HMGB1: variants seen among roughly 807,000 people sequenced by gnomAD.
HMGB1 encodes high mobility group protein B1.
For synonymous variants in HMGB1, 81 were observed against 84.0 expected (o/e 0.96, Z 0.19); for missense variants, 79 against 253.5 (o/e 0.31, Z 4.67).
At chr13:30,544,454 A>C (rs777344939) in intron 1 of HMGB1, among the ~76,000 whole-genome samples, 1 of 152,232 alleles carries the variant, frequency 6.6e-6, no homozygotes, top group African/African-American at 2.4e-5. Context: ...CGGGGAGGGA[A>C]GAGGGGCGGA....
chr13:30,461,393 T>A lies in HMGB1; in HGVS notation c.612A>T (p.Glu204Asp), dbSNP rs774439977. Residue 204 changes from glutamate to aspartate, a missense_variant, in exon 5 of 5, where the codon GAA becomes GAT. Coordinates refer to ENST00000341423, the MANE Select transcript of HMGB1 (RefSeq NM_002128.7). ...CATCATCTTCTTCTTCATCTTCATCTTCTTCATCTTCCTCCTCCTCCTCAT... is the reference window on the plus strand; with the variant it reads ...CATCATCTTCTTCTTCATCTTCATCATCTTCATCTTCCTCCTCCTCCTCAT... ...EEDEEEEEDE[E>D]DEDEEEDDDD... is the part of the protein sequence containing the mutation. The A allele has an allele frequency of 2.5e-6, 4 of 1,570,404 alleles. No homozygotes were observed. Among genetic ancestry groups the A allele is most frequent in the South Asian group, 2.4e-5 (2 of 83,958 alleles).
intron 1 of HMGB1, among the ~76,000 whole-genome samples, chr13:30,479,349 C>T (rs1202889972): frequency 6.6e-6 from 1 of 152,166 alleles, no homozygotes; most frequent in African/African-American, 2.4e-5. Flanking sequence ...CAGGCTGTAT[C>T]CTGGACTTCA....
chr13:30,464,419 C>A, intron 1 of HMGB1: 1 of 985,382 alleles, frequency 1.0e-6, no homozygotes, highest in Non-Finnish European at 1.2e-6. Flanking sequence ...TCCCCCAACT[C>A]GGGAAGTATT....
intron 1 of HMGB1, among the ~76,000 whole-genome samples, chr13:30,532,325 ACT>A (rs1888513858): frequency 9.4e-6 from 1 of 106,552 alleles, no homozygotes; most frequent in African/African-American, 4.1e-5. Context: ...ACAGAGCAAG[ACT>A]CTGTCTCAAA....
intron 1 of HMGB1, among the ~76,000 whole-genome samples, chr13:30,490,251 A>G (rs1232117776): frequency 1.3e-5 from 2 of 152,178 alleles, no homozygotes; most frequent in Non-Finnish European, 2.9e-5. Flanking sequence ...CGAGGTTTTA[A>G]TATTTTCCCT....
chr13:30,588,404 A>G (rs1215099319), intron 1 of HMGB1, among the ~76,000 whole-genome samples: 1 of 152,080 alleles, frequency 6.6e-6, no homozygotes, highest in Non-Finnish European at 1.5e-5. Flanking sequence ...AGGGGAAAGG[A>G]GTTCCTGATC....
At chr13:30,504,059 G>A (rs994694288) in intron 1 of HMGB1, among the ~76,000 whole-genome samples, 1 of 151,552 alleles carries the variant, frequency 6.6e-6, no homozygotes, top group East Asian at 1.9e-4. Context: ...AGGCTTCCAA[G>A]AAGGAAACTT....
chr13:30,510,909 T>C (rs187407955), intron 1 of HMGB1, among the ~76,000 whole-genome samples: 10 of 152,318 alleles, frequency 6.6e-5, no homozygotes, highest in Middle Eastern at 3.4e-3. Flanking sequence ...TTCTTCAAAA[T>C]GTATTGTGTA....
At chr13:30,507,919 C>T (rs751977958) in intron 1 of HMGB1, among the ~76,000 whole-genome samples, 26 of 152,046 alleles carry the variant, frequency 1.7e-4, no homozygotes, top group Non-Finnish European at 2.9e-4. Flanking sequence ...ATCGCTTGAG[C>T]CCCGGGATTC....
chr13:30,591,334 G>A (rs919335238), intron 1 of HMGB1, among the ~76,000 whole-genome samples: 3 of 151,834 alleles, frequency 2.0e-5, no homozygotes, highest in Admixed American at 1.3e-4. Flanking sequence ...GCCTGGCCGA[G>A]GCACAGTGTT....
chr13:30,616,376 T>C (rs1364933512), intron 1 of HMGB1, among the ~76,000 whole-genome samples: 2 of 152,264 alleles, frequency 1.3e-5, no homozygotes, highest in African/African-American at 4.8e-5. Context: ...GGTGATGTTG[T>C]TTTGCAGTCT....
At chr13:30,464,434 G>C (rs1162630034) in intron 1 of HMGB1, 4 of 985,256 alleles carry the variant, frequency 4.1e-6, no homozygotes. Context: ...AGTATTTTTT[G>C]GAGCCGTGAA....
chr13:30,589,921 A>G (rs1050706865), intron 1 of HMGB1, among the ~76,000 whole-genome samples: 3 of 152,084 alleles, frequency 2.0e-5, no homozygotes, highest in Non-Finnish European at 4.4e-5. Flanking sequence ...TTGGGAATGA[A>G]CAGGACTGGC....
intron 1 of HMGB1, among the ~76,000 whole-genome samples, chr13:30,505,402 T>C (rs1325167840): frequency 2.6e-5 from 4 of 152,024 alleles, no homozygotes; most frequent in Non-Finnish European, 4.4e-5. Flanking sequence ...ATGGTCTCCA[T>C]CTCCTGACCT....
chr13:30,526,782 G>T (rs1888377313), intron 1 of HMGB1, among the ~76,000 whole-genome samples: 1 of 152,208 alleles, frequency 6.6e-6, no homozygotes. Context: ...TGTCGCCAAA[G>T]CTCCTCTCCA....
intron 1 of HMGB1, among the ~76,000 whole-genome samples, chr13:30,544,880 A>T (rs1166585781): frequency 6.6e-6 from 1 of 152,182 alleles, no homozygotes; most frequent in African/African-American, 2.4e-5. Context: ...CCAATCCAGG[A>T]CAGGCAGAGA....
intron 1 of HMGB1, among the ~76,000 whole-genome samples, chr13:30,495,711 CCTG>C (rs2137446432): frequency 6.6e-6 from 1 of 152,302 alleles, no homozygotes; most frequent in South Asian, 2.1e-4. Flanking sequence ...ATCTCCTGAC[CCTG>C]TGATCCGCCC....
upstream of HMGB1, among the ~76,000 whole-genome samples, chr13:30,467,848 C>A (rs546433373): frequency 6.6e-6 from 1 of 152,208 alleles, no homozygotes; most frequent in African/African-American, 2.4e-5. Flanking sequence ...CACGGCCATA[C>A]ACTTTACTGG....
intron 1 of HMGB1, among the ~76,000 whole-genome samples, chr13:30,597,660 T>C (rs1329568764): frequency 2.0e-5 from 3 of 152,214 alleles, no homozygotes; most frequent in Non-Finnish European, 4.4e-5. Flanking sequence ...TAATCCTCTA[T>C]ACTTATATGC....
Sources: allele counts gnomAD v4.1 joint callset (sites outside exome capture counted in the v4.1 genomes callset), GRCh38; gene constraint gnomAD v4.1.1; transcripts MANE v1.5; gene names NCBI Gene and HGNC (gene_info 2026-07-23, HGNC 2026-07-21).